The following PAK1IP1 variants were observed in gnomAD, a reference collection of about 807,000 sequenced individuals.
PAK1IP1 encodes p21-activated protein kinase-interacting protein 1.
Under a neutral mutation model 42.0 loss-of-function variants are expected in PAK1IP1, and 24 were observed. The observed-to-expected ratio is 0.57, with a 90% CI of 0.41 to 0.80. The LOEUF is 0.80. Ranked by LOEUF, PAK1IP1 falls within the 30% of genes least tolerant of loss-of-function variation. PAK1IP1 has a pLI of 0.00. For missense variants in PAK1IP1, 411 were observed against 467.9 expected (o/e 0.88, Z 1.12); for synonymous variants, 154 against 156.7 (o/e 0.98, Z 0.13).
chr6:10,707,709 G>A (rs757757788), intron 8 of PAK1IP1, among the ~76,000 whole-genome samples, 195 bp downstream of exon 8: 5 of 152,174 alleles, frequency 3.3e-5, no homozygotes, highest in Admixed American at 6.5e-5. Flanking sequence ...AGTGTGAGCT[G>A]GTGGGATCCC....
At chr6:10,696,119 G>A (rs547689012) in intron 1 of PAK1IP1, among the ~76,000 whole-genome samples, 136 of 152,268 alleles carry the variant, frequency 8.9e-4, no homozygotes, top group African/African-American at 3.1e-3. Context: ...AGGACACACA[G>A]ATAATAATTG....
At chr6:10,696,245 G>A (rs1769835992) in intron 1 of PAK1IP1, among the ~76,000 whole-genome samples, 1 of 152,138 alleles carries the variant, frequency 6.6e-6, no homozygotes, top group South Asian at 2.1e-4. Context: ...CCTACATTAT[G>A]TGAATTTTAA....
intron 6 of PAK1IP1, 46 bp from the exon 7 acceptor site, chr6:10,704,701 T>C: frequency 6.2e-7 from 1 of 1,600,012 alleles, no homozygotes; most frequent in East Asian, 2.2e-5. Flanking sequence ...TGGTTGGAAC[T>C]GTTGATGACA....
intron 2 of PAK1IP1, among the ~76,000 whole-genome samples, chr6:10,700,134 C>T (rs984155511): frequency 6.6e-6 from 1 of 152,166 alleles, no homozygotes; most frequent in Non-Finnish European, 1.5e-5. Flanking sequence ...TCTCGGCTCA[C>T]TGCAGCTTCT....
At chr6:10,697,585 T>C in intron 2 of PAK1IP1, 99 bp downstream of exon 2, 2 of 947,064 alleles carry the variant, frequency 2.1e-6, no homozygotes, top group Admixed American at 2.4e-5. Flanking sequence ...AGCAGATTCT[T>C]TGCTAGAAGA....
intron 7 of PAK1IP1, among the ~76,000 whole-genome samples, chr6:10,706,867 G>A (rs1770217557): frequency 6.6e-6 from 1 of 151,622 alleles, no homozygotes; most frequent in African/African-American, 2.4e-5. Flanking sequence ...ACTCCAGCCT[G>A]GGCGATAGAG....
At chr6:10,704,412 A>C in intron 5 of PAK1IP1, 95 bp from the exon 6 acceptor site, 1 of 703,470 alleles carries the variant, frequency 1.4e-6, no homozygotes, top group South Asian at 2.1e-5. Context: ...AATGAATTTG[A>C]AAATGCACAG....
chr6:10,704,540 A>C lies in PAK1IP1; in HGVS notation c.530A>C (p.Glu177Ala). Residue 177 changes from glutamate to alanine, a missense_variant, in exon 6 of 10, where the codon GAG (glutamate) becomes GCG (alanine). Glu to Ala is a moderately radical substitution (Grantham distance 107). Transcript: ENST00000379568. The stretch of plus-strand genomic sequence containing the variant: ...ATAGTAGAATGGTCCCCAAGAGGAG[A>C]GCAGTATGTAGTTATCATACAGAAT... ...AHIVEWSPRG[E>A]QYVVIIQNKI... 1 of 1,596,616 alleles carries C rather than the reference A, an allele frequency of 6.3e-7. No individual in the cohort carries two copies. The highest frequency in any genetic ancestry group is 8.6e-7 in the Non-Finnish European group (1 of 1,166,284).
At chr6:10,708,394 G>T (rs1214186882) in intron 8 of PAK1IP1, among the ~76,000 whole-genome samples, 1 of 152,004 alleles carries the variant, frequency 6.6e-6, no homozygotes, top group African/African-American at 2.4e-5. Flanking sequence ...TGAATACTAC[G>T]CCGTTGTGTG....
chr6:10,706,891 CAAAAAA>C (rs1004022892), intron 7 of PAK1IP1, among the ~76,000 whole-genome samples: 3 of 89,330 alleles, frequency 3.4e-5, no homozygotes, highest in East Asian at 5.9e-4. Context: ...GGCTCCATCT[CAAAAAA>C]AAAAAAAAGA....
upstream of PAK1IP1, among the ~76,000 whole-genome samples, chr6:10,691,834 G>GT (rs530591718): frequency 1.9e-4 from 28 of 151,018 alleles, no homozygotes; most frequent in African/African-American, 5.6e-4. Flanking sequence ...AAGTTTTGGG[G>GT]TTTTTTTTTC....
chr6:10,702,261 GAA>G, intron 2 of PAK1IP1, 106 bp from the exon 3 acceptor site: 1 of 814,438 alleles, frequency 1.2e-6, no homozygotes, highest in South Asian at 1.9e-5. Context: ...AAAAGAAAAA[GAA>G]AAAAAGGTAT....
chr6:10,697,507 A>G, intron 2 of PAK1IP1, 21 bp downstream of exon 2: 1 of 1,569,430 alleles, frequency 6.4e-7, no homozygotes, highest in Non-Finnish European at 8.8e-7. Context: ...TGTATCCCTT[A>G]AGATGAGAAC....
upstream of PAK1IP1, among the ~76,000 whole-genome samples, chr6:10,692,593 A>G (rs1471536422): frequency 6.6e-6 from 1 of 151,802 alleles, no homozygotes; most frequent in Non-Finnish European, 1.5e-5. Context: ...GGCGCCCACC[A>G]CCACACCCAG....
chr6:10,702,553 G>A lies in PAK1IP1; in HGVS notation c.369-12G>A, dbSNP rs1287555148. On this transcript the variant is annotated splice_polypyrimidine_tract_variant and intron_variant, in intron 3 of 9. Transcript: ENST00000379568. Reference sequence around the variant, plus strand: ...CAGTCAAGTTGGGGACTAACTTTTGGTTTCATTATAGAGGACAGGTGACCT... The same window carrying A: ...CAGTCAAGTTGGGGACTAACTTTTGATTTCATTATAGAGGACAGGTGACCT... 8.7e-6 allele frequency: 14 copies of A among 1,613,980 alleles called. No individual in the cohort carries two copies. The highest frequency in any genetic ancestry group is 1.6e-4 in the Middle Eastern group (1 of 6,062).
intron 5 of PAK1IP1, 55 bp from the exon 6 acceptor site, chr6:10,704,452 A>T (rs966378745): frequency 1.6e-5 from 16 of 1,011,868 alleles, no homozygotes; most frequent in Middle Eastern, 2.1e-4. Context: ...TATTACTATG[A>T]TCATTTTATG....
In PAK1IP1 at chr6:10,702,371, A is replaced by G. The variant is rs751776397; in HGVS notation, c.250A>G (p.Thr84Ala). 3.7e-6 allele frequency: 6 copies of G among 1,613,428 alleles called. No individual in the cohort carries two copies. The highest frequency in any genetic ancestry group is 5.1e-6 in the Non-Finnish European group (6 of 1,179,334). Residue 84 changes from threonine (T) to alanine (A), a missense_variant and splice_region_variant, in exon 3 of 10, where the codon ACA (threonine) becomes GCA (alanine). By Grantham distance (58) the Thr-to-Ala change is moderately conservative. Coordinates refer to ENST00000379568, the MANE Select transcript of PAK1IP1 (RefSeq NM_017906.3). ...EHGALVHHSGTITCLKFYGNR... is the reference protein window; with the variant it reads ...EHGALVHHSGAITCLKFYGNR... Reference sequence around the variant, plus strand: ...TGCCTATTTTGGTTTTTCCATAGGTACAATAACTTGCCTGAAATTCTATGG... The same window carrying G: ...TGCCTATTTTGGTTTTTCCATAGGTGCAATAACTTGCCTGAAATTCTATGG...
intron 4 of PAK1IP1, 58 bp from the exon 5 acceptor site, chr6:10,703,347 T>C (rs1324804929): frequency 1.5e-6 from 2 of 1,296,786 alleles, no homozygotes; most frequent in Non-Finnish European, 2.2e-6. Context: ...GCTTGTTCTT[T>C]TACGCTTAGT....
rs1769894487 is a variant in PAK1IP1, at chr6:10,697,503, C to T, written c.247+17C>T. ...ATCACAGTGGTAAGAAAATTGTATC[C>T]CTTAAGATGAGAACATAGAGGTTTT... On this transcript the variant is annotated intron_variant, in intron 2 of 9. Coordinates refer to ENST00000379568, the MANE Select transcript of PAK1IP1 (RefSeq NM_017906.3). 6.3e-7 allele frequency: 1 copy of T among 1,575,814 alleles called. No individual in the cohort carries two copies. Among genetic ancestry groups the T allele is most frequent in the Non-Finnish European group, 8.7e-7 (1 of 1,148,494 alleles).
Sources: allele counts gnomAD v4.1 joint callset (sites outside exome capture counted in the v4.1 genomes callset), GRCh38; gene constraint gnomAD v4.1.1; transcripts MANE v1.5; gene names NCBI Gene and HGNC (gene_info 2026-07-23, HGNC 2026-07-21).